CR1L: variants seen among roughly 807,000 people sequenced by gnomAD.
CR1L encodes the protein complement C3b/C4b receptor 1 like, also known as complement component receptor 1-like protein.
In CR1L, 59 loss-of-function variants were observed where a neutral mutation model predicts 62.3. The ratio of observed to expected loss-of-function variants is 0.95; its 90% CI spans 0.77 to 1.18. The LOEUF is 1.18. Among genes scored for constraint, CR1L ranks in the 50% most tolerant of loss-of-function variants. CR1L has a pLI of 0.00. For missense variants in CR1L, 700 were observed against 702.8 expected, an observed-to-expected ratio of 1.00 and a Z score of 0.04; for synonymous variants, 279 against 248.7, an observed-to-expected ratio of 1.12 and a Z score of -1.15.
chr1:207,655,310 G>A, intron 1 of CR1L: 1 of 502,450 alleles, frequency 2.0e-6, no homozygotes. Flanking sequence ...TTTTAATTCA[G>A]ACCAGTAGTC....
intron 1 of CR1L, among the ~76,000 whole-genome samples, chr1:207,671,564 GA>G (rs1174624017): frequency 6.6e-6 from 1 of 150,810 alleles, no homozygotes; most frequent in Non-Finnish European, 1.5e-5. Flanking sequence ...TGAAAAAAGT[GA>G]AAAAAAGAAG....
intron 11 of CR1L, among the ~76,000 whole-genome samples, chr1:207,720,600 C>A (rs554250797): frequency 6.6e-6 from 1 of 152,116 alleles, no homozygotes; most frequent in Non-Finnish European, 1.5e-5. Flanking sequence ...ACATCAGAGG[C>A]CTGATTCATT....
Position 207,645,194 on chromosome 1 carries a change from G to C in CR1L, c.-40G>C. On this transcript the variant is annotated 5_prime_UTR_variant, in exon 1 of 12. Coordinates refer to ENST00000508064, the MANE Select transcript of CR1L (RefSeq NM_175710.2). ...TGCTCGGCTGGCTTTCGGTTTCTCTGCTCACCTCCGGATAAATCACGGGGT... is the reference window on the plus strand; with the variant it reads ...TGCTCGGCTGGCTTTCGGTTTCTCTCCTCACCTCCGGATAAATCACGGGGT... The C allele has an allele frequency of 6.9e-6, 11 of 1,604,428 alleles. No individual in the cohort carries two copies. Among genetic ancestry groups the C allele is most frequent in the Non-Finnish European group, 8.5e-6 (10 of 1,174,222 alleles).
chr1:207,716,110 A>G (rs1272491341), intron 10 of CR1L, among the ~76,000 whole-genome samples: 5 of 152,184 alleles, frequency 3.3e-5, no homozygotes, highest in Admixed American at 3.3e-4. Flanking sequence ...TTCCATGTGT[A>G]GAAAATGCAA....
chr1:207,691,215 G>A (rs1365179034), intron 4 of CR1L, among the ~76,000 whole-genome samples: 3 of 152,108 alleles, frequency 2.0e-5, no homozygotes, highest in Non-Finnish European at 4.4e-5. Context: ...TCTTTCTGCT[G>A]AATTGACTGT....
At chr1:207,664,536 A>T (rs1428282951) in intron 1 of CR1L, among the ~76,000 whole-genome samples, 1 of 152,202 alleles carries the variant, frequency 6.6e-6, no homozygotes, top group Non-Finnish European at 1.5e-5. Context: ...GCAAAACAAG[A>T]TTGCATATGA....
intron 1 of CR1L, among the ~76,000 whole-genome samples, chr1:207,663,840 C>T (rs1360789320): frequency 1.3e-5 from 2 of 152,176 alleles, no homozygotes; most frequent in Non-Finnish European, 2.9e-5. Context: ...TACTGCAGGA[C>T]TCTTTGATTT....
At chr1:207,704,793 T>C (rs576747465) in intron 9 of CR1L, among the ~76,000 whole-genome samples, 16 of 152,264 alleles carry the variant, frequency 1.1e-4, no homozygotes, top group Non-Finnish European at 1.9e-4. Context: ...GACTATAGTA[T>C]ATTACAAACA....
chr1:207,709,484 C>T lies in CR1L; in HGVS notation c.1414+1221C>T, dbSNP rs187823628. On this transcript the variant is annotated intron_variant, in intron 10 of 11. Coordinates refer to ENST00000508064, the MANE Select transcript of CR1L (RefSeq NM_175710.2). ...ACACATGCCTTCTATATAGAGAGAA[C>T]TAAATTAATAATGGTGAGATAACAT... 2.6e-5 allele frequency among the ~76,000 whole-genome samples: 4 copies of T among 152,178 alleles called. No individual in the cohort carries two copies. In the East Asian group the frequency reaches 7.7e-4, roughly 29 times the overall value.
intron 9 of CR1L, among the ~76,000 whole-genome samples, chr1:207,702,179 G>A (rs898024075): frequency 1.3e-5 from 2 of 152,066 alleles, no homozygotes; most frequent in African/African-American, 4.8e-5. Flanking sequence ...TATCCCAGAG[G>A]TTTTCATTAT....
chr1:207,669,953 C>G (rs1663585117), intron 1 of CR1L, among the ~76,000 whole-genome samples: 1 of 151,122 alleles, frequency 6.6e-6, no homozygotes, highest in South Asian at 2.1e-4. Context: ...GAGTTCTGGT[C>G]CTAGAAACTT....
At chr1:207,692,799 T>C (rs1047277712) in intron 4 of CR1L, among the ~76,000 whole-genome samples, 2 of 151,710 alleles carry the variant, frequency 1.3e-5, no homozygotes, top group African/African-American at 4.8e-5. Context: ...CGTAATAAAA[T>C]CTTTACTTCC....
intron 1 of CR1L, among the ~76,000 whole-genome samples, chr1:207,650,714 C>T (rs779958825): frequency 4.0e-5 from 6 of 151,742 alleles, no homozygotes; most frequent in Non-Finnish European, 8.8e-5. Context: ...TGTGGGTATG[C>T]GTGTACATTA....
In CR1L at chr1:207,717,684, T is replaced by G. The variant is rs1462402843; in HGVS notation, c.1635T>G (p.Val545=). The G allele has an allele frequency of 6.2e-7, 1 of 1,613,894 alleles. No homozygotes were observed. Among genetic ancestry groups the G allele is most frequent in the East Asian group, 2.2e-5 (1 of 44,892 alleles). Residue 545 remains valine (V), a synonymous_variant, in exon 11 of 12, where the codon GTT becomes GTG. Coordinates refer to ENST00000508064, the MANE Select transcript of CR1L (RefSeq NM_175710.2). ...CTGCCCCTCGCTGTGAACTTCCTGTTGGTGCTGGTCAGTATCCGCTTCCAC... is the reference window on the plus strand; with the variant it reads ...CTGCCCCTCGCTGTGAACTTCCTGTGGGTGCTGGTCAGTATCCGCTTCCAC... ...SSPAPRCELP[V]GAGSHDALIV... is the part of the protein sequence containing the mutation.
intron 1 of CR1L, among the ~76,000 whole-genome samples, chr1:207,675,705 A>G (rs1041105193): frequency 9.9e-5 from 15 of 152,056 alleles, no homozygotes; most frequent in Non-Finnish European, 1.9e-4. Flanking sequence ...AATGAAAACA[A>G]AACAAACAAG....
At position 207,694,407 on chromosome 1, in the gene CR1L, G is replaced by A. The variant is rs1284000920; in HGVS notation, c.518G>A (p.Ser173Asn). 2.5e-6 allele frequency: 4 copies of A among 1,613,964 alleles called. No homozygotes were observed. The South Asian group carries it at 4.4e-5, about 18-fold the overall frequency. The change falls in exon 5 of 12, where the codon AGC becomes AAC. Residue 173 changes from serine (S) to asparagine (N), a missense_variant. By Grantham distance (46) the Ser-to-Asn change is conservative. Coordinates refer to ENST00000508064, the MANE Select transcript of CR1L (RefSeq NM_175710.2). Reference sequence around the variant, plus strand: ...GCCAATGGAGATTTCACTAGCATCAGCAGAGAGTATTTTCACTATGGATCA... The same window carrying A: ...GCCAATGGAGATTTCACTAGCATCAACAGAGAGTATTTTCACTATGGATCA... ...TIANGDFTSI[S>N]REYFHYGSVV...
rs1654138772 is a variant in CR1L at position 207,721,626 on chromosome 1, A to G, written c.1643-1992A>G. On this transcript the variant is annotated intron_variant, in intron 11 of 11. Coordinates refer to ENST00000508064, the MANE Select transcript of CR1L (RefSeq NM_175710.2). Reference sequence around the variant, plus strand: ...TTTGGGTTGGTTCCAAGTCTTTGCTATTGTGAATAATGCCACAATAAACAT... The same window carrying G: ...TTTGGGTTGGTTCCAAGTCTTTGCTGTTGTGAATAATGCCACAATAAACAT... 4.1e-5 allele frequency among the ~76,000 whole-genome samples: 6 copies of G among 146,460 alleles called. No homozygotes were observed. In the South Asian group the frequency reaches 1.3e-3, roughly 33 times the overall value.
At chr1:207,672,021 C>G (rs1273370776) in intron 1 of CR1L, among the ~76,000 whole-genome samples, 1 of 150,886 alleles carries the variant, frequency 6.6e-6, no homozygotes, top group African/African-American at 2.5e-5. Context: ...AAACAAGTAA[C>G]ATATTAAACC....
At chr1:207,710,264 A>G in intron 10 of CR1L, 1 of 654,380 alleles carries the variant, frequency 1.5e-6, no homozygotes, top group Non-Finnish European at 2.7e-6. Flanking sequence ...GGATTGCTTG[A>G]CCTGGGAAGT....
Sources: allele counts gnomAD v4.1 joint callset (sites outside exome capture counted in the v4.1 genomes callset), GRCh38; gene constraint gnomAD v4.1.1; transcripts MANE v1.5; gene names NCBI Gene and HGNC (gene_info 2026-07-23, HGNC 2026-07-21).